The following PATJ variants were observed in gnomAD, a reference collection of about 807,000 sequenced individuals.
PATJ encodes the protein PATJ crumbs cell polarity complex component.
Under a neutral mutation model 224.9 loss-of-function variants are expected in PATJ, and 190 were observed. The ratio of observed to expected loss-of-function variants is 0.84; its 90% CI spans 0.75 to 0.95. PATJ has a LOEUF of 0.95. Among genes scored for constraint, PATJ ranks in the 40% least tolerant of loss-of-function variants. PATJ has a pLI of 0.00. For missense variants in PATJ, 2,121 were observed against 2,270.3 expected, an observed-to-expected ratio of 0.93 and a Z score of 1.34; for synonymous variants, 769 against 820.3, an observed-to-expected ratio of 0.94 and a Z score of 1.07.
At chr1:61,854,665 C>T (rs371233875) in intron 17 of PATJ, among the ~76,000 whole-genome samples, 2 of 152,076 alleles carry the variant, frequency 1.3e-5, no homozygotes, top group South Asian at 2.1e-4. Flanking sequence ...TTCTGAGCCT[C>T]GGTTTCGTCA....
intron 22 of PATJ, among the ~76,000 whole-genome samples, chr1:61,898,514 A>G (rs952733917): frequency 7.2e-5 from 11 of 152,018 alleles, no homozygotes; most frequent in Non-Finnish European, 1.6e-4. Context: ...CTGGGATTAC[A>G]GCCATGAGCC....
At chr1:61,987,771 G>A (rs1382651175) in intron 27 of PATJ, among the ~76,000 whole-genome samples, 1 of 152,202 alleles carries the variant, frequency 6.6e-6, no homozygotes, top group African/African-American at 2.4e-5. Flanking sequence ...TCCCAACTGC[G>A]TTTTCCTCTT....
chr1:61,840,512 T>C (rs1660911357), intron 17 of PATJ, among the ~76,000 whole-genome samples: 1 of 152,020 alleles, frequency 6.6e-6, no homozygotes, highest in African/African-American at 2.4e-5. Context: ...AAAAAAACTT[T>C]GACATATAAA....
At chr1:61,798,790 C>T (rs1651865320) in intron 11 of PATJ, among the ~76,000 whole-genome samples, 3 of 151,700 alleles carry the variant, frequency 2.0e-5, no homozygotes. Flanking sequence ...ACTCAGGAGG[C>T]TCAGGCAGGA....
intron 27 of PATJ, among the ~76,000 whole-genome samples, chr1:61,940,610 G>C (rs1677671024): frequency 6.6e-6 from 1 of 151,722 alleles, no homozygotes; most frequent in East Asian, 1.9e-4. Flanking sequence ...CAGCTACTCG[G>C]GAGGCTGAGG....
At chr1:61,819,290 G>A (rs556757504) in intron 14 of PATJ, among the ~76,000 whole-genome samples, 4 of 152,222 alleles carry the variant, frequency 2.6e-5, no homozygotes, top group South Asian at 2.1e-4. Context: ...TTCACACAAC[G>A]GTCACACATT....
At chr1:62,094,136 T>C (rs978639804) in intron 33 of PATJ, among the ~76,000 whole-genome samples, 3 of 152,200 alleles carry the variant, frequency 2.0e-5, no homozygotes, top group Non-Finnish European at 2.9e-5. Flanking sequence ...GGCTTATGCC[T>C]GTAATCCCAG....
In PATJ at chr1:61,937,231, A is replaced by C. The variant is rs1176829650; in HGVS notation, c.3670+9402A>C. Among the ~76,000 whole-genome samples, 3 of 148,672 alleles carry C rather than the reference A, an allele frequency of 2.0e-5. 1 individual carries two copies. The highest frequency in any genetic ancestry group is 4.5e-4 in the South Asian group (2 of 4,460). On this transcript the variant is annotated intron_variant, in intron 27 of 43. Coordinates refer to ENST00000642238, the MANE Select transcript of PATJ (RefSeq NM_001350145.3). ...AGGACCACTGGTTAACAATCCCCAT[A>C]GTTTCTTTCTTTTTTCGTTTTGAGA... is the stretch of plus-strand genomic sequence containing the variant.
At chr1:62,064,061 G>A (rs1358924617) in intron 31 of PATJ, among the ~76,000 whole-genome samples, 1 of 152,126 alleles carries the variant, frequency 6.6e-6, no homozygotes, top group African/African-American at 2.4e-5. Context: ...GTGAGAGTGG[G>A]CATCCTTGTC....
chr1:62,143,563 G>A (rs1483139295), intron 41 of PATJ, among the ~76,000 whole-genome samples: 1 of 145,868 alleles, frequency 6.9e-6, no homozygotes, highest in Non-Finnish European at 1.5e-5. Flanking sequence ...CGATTCTCCT[G>A]CCTCAGCCTC....
At position 61,913,031 on chromosome 1, in the gene PATJ, G is replaced by A. The variant is rs145779081; in HGVS notation, c.3493-1556G>A. On this transcript the variant is annotated intron_variant, in intron 25 of 43. Transcript: ENST00000642238. Reference sequence around the variant, plus strand: ...AGCACTGTATATATGTTAGTGTATCGTTACTGTTGTTTTTTACGTAAATGA... The same window carrying A: ...AGCACTGTATATATGTTAGTGTATCATTACTGTTGTTTTTTACGTAAATGA... 4.5e-3 allele frequency among the ~76,000 whole-genome samples: 679 copies of A among 152,126 alleles called. 4 individuals carry two copies. Among genetic ancestry groups the A allele is most frequent in the Middle Eastern group, 0.027 (8 of 294 alleles).
At chr1:61,993,298 A>T (rs1645171844) in intron 28 of PATJ, among the ~76,000 whole-genome samples, 2 of 152,198 alleles carry the variant, frequency 1.3e-5, no homozygotes. Flanking sequence ...ATAGATATAC[A>T]GATTGAGGTG....
At chr1:61,825,024 T>G (rs1224373871) in intron 15 of PATJ, among the ~76,000 whole-genome samples, 1 of 152,138 alleles carries the variant, frequency 6.6e-6, no homozygotes, top group Admixed American at 6.5e-5. Context: ...AAAAGCCACT[T>G]TTGGTCTGAA....
chr1:62,016,639 T>G (rs1646784801), intron 28 of PATJ, among the ~76,000 whole-genome samples: 1 of 152,184 alleles, frequency 6.6e-6, no homozygotes, highest in African/African-American at 2.4e-5. Context: ...ATAAAGAAAT[T>G]TAGAATTTAA....
Position 61,990,355 on chromosome 1 carries a change from A to T in PATJ, c.3858A>T (p.Glu1286Asp), listed in dbSNP as rs761821373. The change falls in exon 28 of 44, where the codon GAA becomes GAT. Residue 1286 changes from glutamate (E) to aspartate (D), a missense_variant. Transcript: ENST00000642238. ...ATGGACGAATGCGTATTGGAGATGA[A>T]CTCTTAGAGGTGAGAAGCATGTGTT... ...AADGRMRIGD[E>D]LLEINNQILY... The T allele has an allele frequency of 6.2e-7, 1 of 1,611,862 alleles. No homozygotes were observed. The highest frequency in any genetic ancestry group is 8.5e-7 in the Non-Finnish European group (1 of 1,179,076).
At chr1:62,042,570 A>G (rs1201121041) in intron 30 of PATJ, among the ~76,000 whole-genome samples, 1 of 152,184 alleles carries the variant, frequency 6.6e-6, no homozygotes, top group Non-Finnish European at 1.5e-5. Context: ...ATAATAATTC[A>G]GTATTATTAA....
intron 35 of PATJ, among the ~76,000 whole-genome samples, chr1:62,115,686 GT>G (rs1444725952): frequency 2.0e-5 from 3 of 149,756 alleles, no homozygotes; most frequent in Admixed American, 1.4e-4. Flanking sequence ...TGGCCTTAAA[GT>G]GTATCAACCA....
intron 12 of PATJ, among the ~76,000 whole-genome samples, chr1:61,805,230 A>T (rs1653291816): frequency 6.6e-6 from 1 of 152,160 alleles, no homozygotes; most frequent in Admixed American, 6.5e-5. Context: ...GCACCTTCAT[A>T]ATTTGGTCAC....
chr1:61,959,299 G>T (rs2149415088), intron 27 of PATJ, among the ~76,000 whole-genome samples: 1 of 151,060 alleles, frequency 6.6e-6, no homozygotes, highest in African/African-American at 2.4e-5. Flanking sequence ...TCCAAAAATT[G>T]GTTAAGCTAC....
Sources: allele counts gnomAD v4.1 joint callset (sites outside exome capture counted in the v4.1 genomes callset), GRCh38; gene constraint gnomAD v4.1.1; transcripts MANE v1.5; gene names NCBI Gene and HGNC (gene_info 2026-07-23, HGNC 2026-07-21).